Variants in CSMD3 observed in about 807,000 individuals in gnomAD.
CSMD3 encodes CUB and Sushi multiple domains 3.
Under a neutral mutation model 435.2 loss-of-function variants are expected in CSMD3, and 177 were observed. The observed-to-expected ratio is 0.41, with a 90% CI of 0.36 to 0.46. CSMD3 has a LOEUF of 0.46. Among genes scored for constraint, CSMD3 ranks in the 20% least tolerant of loss-of-function variants. CSMD3 has a pLI of 0.34. For missense variants in CSMD3, 4,265 were observed against 4,504.6 expected (o/e 0.95, Z 1.52); for synonymous variants, 1,656 against 1,520.5 (o/e 1.09, Z -2.07).
chr8:113,013,177 C>A (rs1195724514), intron 6 of CSMD3, among the ~76,000 whole-genome samples: 3 of 151,986 alleles, frequency 2.0e-5, no homozygotes, highest in Admixed American at 2.0e-4. Context: ...CTCAGTTTTA[C>A]TTACAAACTA....
At position 112,406,640 on chromosome 8, in the gene CSMD3, GA is replaced by G; in HGVS notation, c.5692del (p.Ser1898HisfsTer17). 1 of 1,612,656 alleles carries G rather than the reference GA, an allele frequency of 6.2e-7. No individual in the cohort carries two copies. The highest frequency in any genetic ancestry group is 8.5e-7 in the Non-Finnish European group (1 of 1,178,936). On this transcript the variant is annotated frameshift_variant, in exon 35 of 71. Coordinates refer to ENST00000297405, the MANE Select transcript of CSMD3 (RefSeq NM_198123.2). LOFTEE classifies it high-confidence loss of function. ...TGGATTACAATCAAAAAGAACCGAT[GA>G]ACCGACTGCAAATTCATTGCCAATT... ...RRIGNEFAVG[S>X]SVLFDCNPGY...
intron 23 of CSMD3, among the ~76,000 whole-genome samples, chr8:112,581,564 G>A (rs998264316): frequency 1.4e-4 from 21 of 151,980 alleles, no homozygotes; most frequent in African/African-American, 5.1e-4. Flanking sequence ...AAGGAAATAT[G>A]TTTCTCTTGC....
At chr8:112,791,622 T>C (rs1302984745) in intron 13 of CSMD3, among the ~76,000 whole-genome samples, 1 of 152,182 alleles carries the variant, frequency 6.6e-6, no homozygotes, top group Admixed American at 6.6e-5. Context: ...ATTTTTGTTA[T>C]ATACTCACCT....
intron 22 of CSMD3, among the ~76,000 whole-genome samples, chr8:112,628,466 C>A (rs762744071): frequency 3.3e-5 from 5 of 151,920 alleles, no homozygotes; most frequent in Admixed American, 6.6e-5. Context: ...TAACCCACAG[C>A]AAATGCATTA....
At chr8:112,548,872 T>C (rs921196192) in intron 27 of CSMD3, among the ~76,000 whole-genome samples, 5 of 152,114 alleles carry the variant, frequency 3.3e-5, no homozygotes, top group Non-Finnish European at 7.4e-5. Context: ...AAAAAACTTA[T>C]GAAGGCAGAG....
At chr8:112,247,283 G>A (rs1033325044) in intron 63 of CSMD3, 152 bp from the exon 64 acceptor site, 13 of 637,912 alleles carry the variant, frequency 2.0e-5, no homozygotes, top group African/African-American at 1.7e-4. Context: ...AAATAAAATG[G>A]GAAAAATTCA....
intron 12 of CSMD3, among the ~76,000 whole-genome samples, chr8:112,814,982 GA>G (rs33930401): frequency 0.81 from 123,211 of 151,748 alleles, 50,243 homozygotes; most frequent in African/African-American, 0.88. Context: ...CGCTTTTTAT[GA>G]AAAATGCATT....
At chr8:112,378,925 GAATA>G (rs1388773118) in intron 38 of CSMD3, among the ~76,000 whole-genome samples, 1 of 151,722 alleles carries the variant, frequency 6.6e-6, no homozygotes, top group Non-Finnish European at 1.5e-5. Context: ...CCAGAAATAT[GAATA>G]ATTATTATGT....
At chr8:113,162,055 A>T (rs2092051183) in intron 4 of CSMD3, among the ~76,000 whole-genome samples, 1 of 152,176 alleles carries the variant, frequency 6.6e-6, no homozygotes, top group African/African-American at 2.4e-5. Context: ...AGACAAGGAA[A>T]GATTACTATT....
intron 38 of CSMD3, among the ~76,000 whole-genome samples, chr8:112,358,895 C>T (rs1386396889): frequency 6.6e-6 from 1 of 151,944 alleles, no homozygotes; most frequent in African/African-American, 2.4e-5. Context: ...CCCACATATC[C>T]CCTAAATCTA....
At chr8:113,176,103 C>T (rs747304553) in intron 3 of CSMD3, among the ~76,000 whole-genome samples, 2 of 152,016 alleles carry the variant, frequency 1.3e-5, no homozygotes, top group Non-Finnish European at 2.9e-5. Context: ...AATCTCCTGC[C>T]TTATCGCTTA....
intron 4 of CSMD3, among the ~76,000 whole-genome samples, chr8:113,120,813 A>T (rs1029443458): frequency 1.1e-4 from 16 of 152,298 alleles, no homozygotes; most frequent in African/African-American, 3.8e-4. Context: ...CCAAAGCCAA[A>T]TGTAAATGAG....
intron 13 of CSMD3, among the ~76,000 whole-genome samples, chr8:112,698,128 G>T (rs1192538788): frequency 6.6e-6 from 1 of 152,000 alleles, no homozygotes; most frequent in Admixed American, 6.6e-5. Context: ...AGCCGGTAAG[G>T]TTGGGAGGTT....
intron 35 of CSMD3, among the ~76,000 whole-genome samples, chr8:112,391,411 A>G (rs1830398304): frequency 6.6e-6 from 1 of 152,158 alleles, no homozygotes; most frequent in South Asian, 2.1e-4. Context: ...TGAAGAGATG[A>G]AGCTGGCCAG....
At chr8:112,614,318 G>A (rs562139082) in intron 22 of CSMD3, among the ~76,000 whole-genome samples, 54 of 152,180 alleles carry the variant, frequency 3.5e-4, no homozygotes, top group African/African-American at 1.2e-3. Context: ...GCCTGAATGA[G>A]CCTTTTATGA....
intron 32 of CSMD3, among the ~76,000 whole-genome samples, chr8:112,450,301 G>A (rs1488944419): frequency 6.6e-6 from 1 of 152,094 alleles, no homozygotes; most frequent in African/African-American, 2.4e-5. Flanking sequence ...TCTGAAAAAT[G>A]CACAACTAAT....
Position 113,185,081 on chromosome 8 carries a change from G to A in CSMD3, c.515-11165C>T, listed in dbSNP as rs11998403. On this transcript the variant is annotated intron_variant, in intron 3 of 70. Coordinates refer to ENST00000297405, the MANE Select transcript of CSMD3 (RefSeq NM_198123.2). ...ACTTACTTAGGGTATGGTTACATAG[G>A]TCAGAACTATAGGGCCATTTTTAAC... Among the ~76,000 whole-genome samples, 1,162 of 152,072 alleles carry A rather than the reference G, an allele frequency of 7.6e-3. 18 individuals are homozygous for A. The highest frequency in any genetic ancestry group is 0.027 in the African/African-American group (1,113 of 41,486).
chr8:112,248,294 G>T (rs1037935708), intron 63 of CSMD3, among the ~76,000 whole-genome samples: 15 of 152,052 alleles, frequency 9.9e-5, no homozygotes, highest in African/African-American at 3.4e-4. Flanking sequence ...GGAGACATAA[G>T]TAAGAATTAG....
intron 3 of CSMD3, among the ~76,000 whole-genome samples, chr8:113,241,575 T>C (rs2132246663): frequency 6.6e-6 from 1 of 151,610 alleles, no homozygotes; most frequent in Non-Finnish European, 1.5e-5. Flanking sequence ...TTGTAAATTC[T>C]ATGTATTTGG....
Sources: gnomAD v4.1 joint callset for allele counts (sites outside exome capture counted in the v4.1 genomes callset) on GRCh38, gnomAD v4.1.1 for gene constraint, MANE v1.5 for transcripts, NCBI Gene and HGNC (gene_info 2026-07-23, HGNC 2026-07-21) for gene names.